The following INSYN2B variants were observed in gnomAD, a reference collection of about 807,000 sequenced individuals.
INSYN2B encodes inhibitory synaptic factor family member 2B.
INSYN2B carries 16 observed loss-of-function variants against 41.2 expected under a neutral mutation model. The observed-to-expected ratio is 0.39, with a 90% CI of 0.26 to 0.59. INSYN2B has a LOEUF of 0.59. Among genes scored for constraint, INSYN2B ranks in the 20% least tolerant of loss-of-function variants. The probability of loss-of-function intolerance (pLI) is 0.57; values close to 1 mark genes in which losing one functional copy is unlikely to be tolerated. For synonymous variants in INSYN2B, 245 were observed against 244.4 expected, an observed-to-expected ratio of 1.00 and a Z score of -0.02; for missense variants, 608 against 646.4, an observed-to-expected ratio of 0.94 and a Z score of 0.64.
intron 1 of INSYN2B, among the ~76,000 whole-genome samples, chr5:169,929,741 C>CA (rs1211612989): frequency 0.13 from 8,109 of 62,518 alleles, 487 homozygotes; most frequent in South Asian, 0.17. Context: ...GACCCTGTCT[C>CA]AAAAAAAAAA....
At chr5:169,887,118 C>A (rs1295902686) in intron 1 of INSYN2B, among the ~76,000 whole-genome samples, 2 of 152,168 alleles carry the variant, frequency 1.3e-5, no homozygotes, top group Non-Finnish European at 2.9e-5. Context: ...CACCATTGGG[C>A]CTTCCTGCCT....
intron 1 of INSYN2B, among the ~76,000 whole-genome samples, chr5:169,911,968 A>G (rs186625766): frequency 2.6e-5 from 4 of 152,266 alleles, no homozygotes; most frequent in Non-Finnish European, 5.9e-5. Context: ...CTAGGTTGAA[A>G]TTGTTCTCTC....
intron 3 of INSYN2B, among the ~76,000 whole-genome samples, chr5:169,871,740 T>C (rs1220802918): frequency 1.3e-5 from 2 of 152,158 alleles, no homozygotes; most frequent in African/African-American, 4.8e-5. Context: ...CTGGTGCTCC[T>C]GGATGACCTC....
chr5:169,948,681 A>T (rs1259505717), intron 1 of INSYN2B, among the ~76,000 whole-genome samples: 1 of 143,844 alleles, frequency 7.0e-6, no homozygotes, highest in Non-Finnish European at 1.5e-5. Context: ...TGGTGTGATT[A>T]TGGCTCACTG....
At chr5:169,875,351 A>C in intron 3 of INSYN2B, 1 of 456,494 alleles carries the variant, frequency 2.2e-6, no homozygotes, top group Admixed American at 2.3e-5. Context: ...ATGGTCCACG[A>C]CCACGCTTTG....
intron 1 of INSYN2B, among the ~76,000 whole-genome samples, chr5:169,962,974 C>T (rs1168232598): frequency 6.6e-6 from 1 of 152,138 alleles, no homozygotes. Context: ...AGGGTGGAAG[C>T]TCTAGCTGGG....
At chr5:169,929,509 G>A (rs1450352946) in intron 1 of INSYN2B, among the ~76,000 whole-genome samples, 1 of 152,098 alleles carries the variant, frequency 6.6e-6, no homozygotes, top group Non-Finnish European at 1.5e-5. Flanking sequence ...GGCTGAGGGG[G>A]GAGGATTGCT....
At chr5:169,936,773 A>C (rs1395283216) in intron 1 of INSYN2B, among the ~76,000 whole-genome samples, 1 of 152,122 alleles carries the variant, frequency 6.6e-6, no homozygotes, top group East Asian at 1.9e-4. Flanking sequence ...TGATCAGAGG[A>C]TACTAATTAA....
chr5:169,920,948 T>C (rs1257550630), intron 1 of INSYN2B, among the ~76,000 whole-genome samples: 1 of 152,202 alleles, frequency 6.6e-6, no homozygotes, highest in African/African-American at 2.4e-5. Flanking sequence ...AACAGTTTAT[T>C]AGATGAACTG....
intron 1 of INSYN2B, among the ~76,000 whole-genome samples, chr5:169,890,608 T>G (rs4867899): frequency 0.35 from 52,702 of 152,038 alleles, 10,466 homozygotes; most frequent in Non-Finnish European, 0.44. Flanking sequence ...CTACATTCTG[T>G]TGTAAGTGGT....
At chr5:169,959,162 G>T (rs929225568) in intron 1 of INSYN2B, among the ~76,000 whole-genome samples, 4 of 152,104 alleles carry the variant, frequency 2.6e-5, no homozygotes, top group African/African-American at 7.2e-5. Context: ...GGAGGCCGAG[G>T]GGGGCGGATC....
chr5:169,953,821 T>C (rs1057114764), intron 1 of INSYN2B, among the ~76,000 whole-genome samples: 3 of 152,222 alleles, frequency 2.0e-5, no homozygotes, highest in African/African-American at 7.2e-5. Context: ...GCTAAGAGCA[T>C]GAGCCCTGGC....
intron 1 of INSYN2B, among the ~76,000 whole-genome samples, chr5:169,956,372 TC>T (rs1435801900): frequency 1.3e-5 from 2 of 152,224 alleles, no homozygotes; most frequent in African/African-American, 4.8e-5. Flanking sequence ...AAGAGGCTGC[TC>T]CTGATCTCAT....
chr5:169,961,221 C>G (rs1777073767), intron 1 of INSYN2B, among the ~76,000 whole-genome samples: 1 of 152,196 alleles, frequency 6.6e-6, no homozygotes, highest in Non-Finnish European at 1.5e-5. Flanking sequence ...ATTAATGGAT[C>G]ATCATCATCT....
chr5:169,967,311 G>C (rs1463624033), intron 1 of INSYN2B, among the ~76,000 whole-genome samples: 1 of 152,182 alleles, frequency 6.6e-6, no homozygotes, highest in Admixed American at 6.5e-5. Context: ...GTTCAGTAGA[G>C]GTGACTATGT....
At chr5:169,943,268 C>G (rs1776312391) in intron 1 of INSYN2B, among the ~76,000 whole-genome samples, 1 of 152,040 alleles carries the variant, frequency 6.6e-6, no homozygotes, top group Non-Finnish European at 1.5e-5. Flanking sequence ...TGAAGAAAAC[C>G]CAGGATTCTG....
Position 169,966,649 on chromosome 5 carries a change from G to A in INSYN2B, c.-919+13628C>T, listed in dbSNP as rs370980989. On this transcript the variant is annotated intron_variant, in intron 1 of 3. Transcript: ENST00000377365. ...TTATTTTACAGGTGAGGAAGAGGAA[G>A]GAAAAGCAATCCTGGCACACAGGGA... Among the ~76,000 whole-genome samples, 15 of 152,264 alleles carry A rather than the reference G, an allele frequency of 9.9e-5. No homozygotes were observed. The South Asian group carries it at 3.1e-3, about 32-fold the overall frequency.
intron 1 of INSYN2B, among the ~76,000 whole-genome samples, chr5:169,941,353 C>A (rs1776238056): frequency 2.0e-5 from 3 of 152,086 alleles, no homozygotes; most frequent in Admixed American, 1.3e-4. Context: ...GATTACAGGC[C>A]TGTGCCCCCA....
intron 1 of INSYN2B, among the ~76,000 whole-genome samples, chr5:169,943,628 T>C (rs1288713517): frequency 6.6e-6 from 1 of 152,212 alleles, no homozygotes; most frequent in Non-Finnish European, 1.5e-5. Flanking sequence ...TTTATCTGCC[T>C]GGCCTCATCA....
Sources: allele counts gnomAD v4.1 joint callset (sites outside exome capture counted in the v4.1 genomes callset), GRCh38; gene constraint gnomAD v4.1.1; transcripts MANE v1.5; gene names NCBI Gene and HGNC (gene_info 2026-07-23, HGNC 2026-07-21).